The following TMC1 variants were observed in gnomAD, a reference collection of about 807,000 sequenced individuals.
TMC1 encodes the protein transmembrane channel like 1, also known as transmembrane channel-like protein 1.
TMC1 carries 84 observed loss-of-function variants against 105.8 expected under a neutral mutation model. The ratio of observed to expected loss-of-function variants is 0.79; its 90% CI spans 0.67 to 0.95. TMC1 has a LOEUF of 0.95. Among genes scored for constraint, TMC1 ranks in the 40% least tolerant of loss-of-function variants. The pLI, the probability that TMC1 is intolerant of heterozygous loss-of-function variation, is 0.00. For missense variants in TMC1, 817 were observed against 914.1 expected (o/e 0.89, Z 1.37); for synonymous variants, 315 against 311.5 (o/e 1.01, Z -0.12).
chr9:72,831,348 G>C (rs563885130), intron 23 of TMC1, among the ~76,000 whole-genome samples: 3 of 152,094 alleles, frequency 2.0e-5, no homozygotes, highest in East Asian at 3.9e-4. Context: ...ACTCAAATTG[G>C]TTTAATTGAG....
At chr9:72,702,359 A>G (rs1446460429) in intron 8 of TMC1, among the ~76,000 whole-genome samples, 1 of 152,172 alleles carries the variant, frequency 6.6e-6, no homozygotes, top group Non-Finnish European at 1.5e-5. Context: ...GATTTGAGTT[A>G]GGATCTCAGA....
chr9:72,813,361 TGTTTTA>T (rs1828734757), intron 18 of TMC1, among the ~76,000 whole-genome samples: 2 of 152,214 alleles, frequency 1.3e-5, no homozygotes, highest in Non-Finnish European at 1.5e-5. Context: ...CCTTCTCTTT[TGTTTTA>T]GTTTTAAAGT....
chr9:72,688,607 C>A, intron 5 of TMC1, 102 bp from the exon 6 acceptor site: 1 of 1,125,198 alleles, frequency 8.9e-7, no homozygotes, highest in Non-Finnish European at 1.3e-6. Flanking sequence ...ATTGTATTAA[C>A]TGCACAAAAA....
At chr9:72,701,949 G>A (rs1453267514) in intron 8 of TMC1, among the ~76,000 whole-genome samples, 1 of 152,138 alleles carries the variant, frequency 6.6e-6, no homozygotes. Flanking sequence ...GAAGGCAAAG[G>A]CAAGCAGCAT....
chr9:72,807,179 T>G (rs1588093566), intron 18 of TMC1, among the ~76,000 whole-genome samples: 1 of 151,870 alleles, frequency 6.6e-6, no homozygotes, highest in Non-Finnish European at 1.5e-5. Context: ...GGCAGGGAGG[T>G]TGCAGTGAGC....
chr9:72,631,233 A>C (rs1282390861), intron 4 of TMC1, among the ~76,000 whole-genome samples: 1 of 152,252 alleles, frequency 6.6e-6, no homozygotes, highest in Non-Finnish European at 1.5e-5. Context: ...TTTGTAATTT[A>C]AAATTTGTTT....
chr9:72,775,857 G>A (rs767516012), intron 13 of TMC1, among the ~76,000 whole-genome samples: 19 of 152,284 alleles, frequency 1.2e-4, no homozygotes, highest in Non-Finnish European at 2.6e-4. Context: ...GGTGAGATAG[G>A]AAGCAAAAGA....
At chr9:72,737,478 G>A (rs1827319638) in intron 8 of TMC1, among the ~76,000 whole-genome samples, 2 of 152,122 alleles carry the variant, frequency 1.3e-5, no homozygotes, top group Non-Finnish European at 2.9e-5. Flanking sequence ...AGTTACTGAG[G>A]AAACCTGTGT....
chr9:72,536,687 C>G (rs1823591406), intron 1 of TMC1, among the ~76,000 whole-genome samples: 9 of 152,162 alleles, frequency 5.9e-5, no homozygotes. Context: ...ATACCACATC[C>G]TGGGCATAGT....
intron 1 of TMC1, among the ~76,000 whole-genome samples, chr9:72,537,747 A>T (rs1823607403): frequency 6.6e-6 from 1 of 152,228 alleles, no homozygotes; most frequent in South Asian, 2.1e-4. Context: ...CAGAAAGGCA[A>T]GACATCTACA....
At chr9:72,557,159 C>T (rs1823956443) in intron 1 of TMC1, among the ~76,000 whole-genome samples, 1 of 152,244 alleles carries the variant, frequency 6.6e-6, no homozygotes, top group South Asian at 2.1e-4. Context: ...TCACCTGAGG[C>T]CAGTAGCTTG....
chr9:72,739,966 T>G (rs1827360235), intron 8 of TMC1, among the ~76,000 whole-genome samples, 153 bp from the exon 9 acceptor site: 1 of 152,206 alleles, frequency 6.6e-6, no homozygotes. Flanking sequence ...GGATTGAAAA[T>G]TTCTAGGTTA....
chr9:72,629,356 C>T (rs1434891301), intron 4 of TMC1, among the ~76,000 whole-genome samples: 2 of 152,132 alleles, frequency 1.3e-5, no homozygotes, highest in Non-Finnish European at 2.9e-5. Context: ...TTATTCAATA[C>T]TGTCCATATT....
chr9:72,527,404 A>G (rs940520757), intron 1 of TMC1, among the ~76,000 whole-genome samples: 1 of 152,014 alleles, frequency 6.6e-6, no homozygotes, highest in African/African-American at 2.4e-5. Context: ...ACGATGTAGC[A>G]GCTCTGTGGT....
At chr9:72,833,236 T>C (rs1023435778) in intron 23 of TMC1, among the ~76,000 whole-genome samples, 21 of 152,192 alleles carry the variant, frequency 1.4e-4, no homozygotes, top group African/African-American at 4.6e-4. Context: ...ATGATACTTG[T>C]GCATACTTTA....
At chr9:72,748,311 C>T (rs1483793949) in intron 10 of TMC1, among the ~76,000 whole-genome samples, 2 of 152,118 alleles carry the variant, frequency 1.3e-5, no homozygotes, top group Non-Finnish European at 2.9e-5. Flanking sequence ...TAAGTTAATA[C>T]ATATAGATCA....
chr9:72,556,029 T>C (rs1405986234), intron 1 of TMC1, among the ~76,000 whole-genome samples: 1 of 123,176 alleles, frequency 8.1e-6, no homozygotes, highest in African/African-American at 3.0e-5. Flanking sequence ...AGTGGAAATA[T>C]CAGTAAATCA....
chr9:72,769,382 A>G (rs561401372), intron 12 of TMC1, among the ~76,000 whole-genome samples: 1 of 152,216 alleles, frequency 6.6e-6, no homozygotes, highest in Non-Finnish European at 1.5e-5. Context: ...TAAAGCTGAC[A>G]TAAAAGAATG....
intron 8 of TMC1, among the ~76,000 whole-genome samples, chr9:72,725,325 G>GTGTGTATATA (rs1346287163): frequency 7.7e-5 from 6 of 77,682 alleles, no homozygotes; most frequent in African/African-American, 2.3e-4. Flanking sequence ...ATGTGTGTAT[G>GTGTGTATATA]TATATATATA....
Sources: gnomAD v4.1 joint callset for allele counts (sites outside exome capture counted in the v4.1 genomes callset) on GRCh38, gnomAD v4.1.1 for gene constraint, MANE v1.5 for transcripts, NCBI Gene and HGNC (gene_info 2026-07-23, HGNC 2026-07-21) for gene names.